Variants in SCN7A observed in about 807,000 individuals in gnomAD.
SCN7A encodes the protein sodium channel protein type 7 subunit alpha.
In SCN7A, 138 loss-of-function variants were observed where a neutral mutation model predicts 155.2. The observed-to-expected ratio is 0.89, with a 90% CI of 0.77 to 1.02. The LOEUF (loss-of-function observed/expected upper bound fraction) is 1.02. SCN7A is among the 50% of genes least tolerant of loss of function. The probability of loss-of-function intolerance (pLI) is 0.00; values close to 1 mark genes in which losing one functional copy is unlikely to be tolerated. For missense variants in SCN7A, 2,058 were observed against 1,986.6 expected, an observed-to-expected ratio of 1.04 and a Z score of -0.68; for synonymous variants, 693 against 649.0, an observed-to-expected ratio of 1.07 and a Z score of -1.03.
At chr2:166,414,210 G>C (rs1463377863) in intron 21 of SCN7A, among the ~76,000 whole-genome samples, 1 of 78,962 alleles carries the variant, frequency 1.3e-5, no homozygotes, top group Non-Finnish European at 2.3e-5. Context: ...TTATATATAT[G>C]TAAATATATA....
chr2:166,439,030 C>CAT (rs1186286811), intron 15 of SCN7A, among the ~76,000 whole-genome samples: 1 of 120,068 alleles, frequency 8.3e-6, no homozygotes, highest in African/African-American at 3.4e-5. Context: ...TACATACACA[C>CAT]ACATACATAT....
intron 6 of SCN7A, among the ~76,000 whole-genome samples, chr2:166,470,980 GT>G (rs566644376): frequency 7.2e-5 from 11 of 151,762 alleles, no homozygotes; most frequent in Non-Finnish European, 1.6e-4. Flanking sequence ...TCTATACTAT[GT>G]TCATAAATCT....
At chr2:166,471,129 AGAGGAT>A (rs548741109) in intron 6 of SCN7A, among the ~76,000 whole-genome samples, 35 of 151,976 alleles carry the variant, frequency 2.3e-4, no homozygotes, top group Admixed American at 1.3e-3. Context: ...AAAGATGAAG[AGAGGAT>A]GAGGATGAGG....
chr2:166,438,917 C>G (rs71428926), intron 15 of SCN7A, among the ~76,000 whole-genome samples: 9 of 149,208 alleles, frequency 6.0e-5, no homozygotes, highest in African/African-American at 2.2e-4. Context: ...GTAGAAACAA[C>G]AAAAAATAGA....
chr2:166,430,383 A>G (rs996635319), intron 16 of SCN7A, among the ~76,000 whole-genome samples: 2 of 152,000 alleles, frequency 1.3e-5, no homozygotes, highest in African/African-American at 4.8e-5. Flanking sequence ...TTACTTTTAT[A>G]TATTCTTTAT....
chr2:166,424,770 C>T (rs1407212035), intron 18 of SCN7A, among the ~76,000 whole-genome samples: 1 of 152,044 alleles, frequency 6.6e-6, no homozygotes, highest in African/African-American at 2.4e-5. Flanking sequence ...ATCACTAAGG[C>T]TCCCATCGTA....
intron 12 of SCN7A, among the ~76,000 whole-genome samples, chr2:166,445,464 G>C (rs560724787): frequency 6.6e-6 from 1 of 152,312 alleles, no homozygotes; most frequent in South Asian, 2.1e-4. Context: ...TGCATGCAAA[G>C]GGAGATTTGA....
rs1442499512 is a variant in SCN7A at position 166,405,473 on chromosome 2, CG to C, written c.*106del. ...TTGTGAATACAAGCTTAATTACCAT[CG>C]GTTGTAAAGAACTGATTATTATCTC... On this transcript the variant is annotated 3_prime_UTR_variant, in exon 26 of 26. Transcript: ENST00000643258. 3 of 810,722 alleles carry C rather than the reference CG, an allele frequency of 3.7e-6. No homozygotes were observed. Among genetic ancestry groups the C allele is most frequent in the Non-Finnish European group, 5.8e-6 (3 of 520,326 alleles). The allele number at this position is 810,722 out of a possible 1,614,324, so 50.2% of individuals were successfully genotyped here.
rs1559088311 is a variant in SCN7A, at chr2:166,414,152, T to TATTATATATAA, written c.3415-1032_3415-1031insTTATATATAAT. Among the ~76,000 whole-genome samples the TATTATATATAA allele has an allele frequency of 1.1e-3, 58 of 55,090 alleles. 4 individuals are homozygous for TATTATATATAA. Among genetic ancestry groups the TATTATATATAA allele is most frequent in the African/African-American group, 6.9e-3 (57 of 8,202 alleles). The allele number at this position is 55,090 out of a possible 152,430, so 36.1% of individuals were successfully genotyped here. On this transcript the variant is annotated intron_variant, in intron 21 of 25. Transcript: ENST00000643258. ...TTATATATATGTAAATATATATAAA[T>TATTATATATAA]ATATATAATATATTATATATATGTA...
At position 166,428,521 on chromosome 2, in the gene SCN7A, G is replaced by C. The variant is rs182954918; in HGVS notation, c.2699-579C>G. ...TTGTGGGTAGAGTACATGTGTACGG[G>C]GCTGCACTCTGCGCTCTGGCCAAAA... On this transcript the variant is annotated intron_variant, in intron 17 of 25. Transcript: ENST00000643258. Among the ~76,000 whole-genome samples, 305 of 152,064 alleles carry C rather than the reference G, an allele frequency of 2.0e-3. 2 individuals are homozygous for C. The highest frequency in any genetic ancestry group is 7.1e-3 in the African/African-American group (294 of 41,490).
chr2:166,428,093 G>T (rs976034938), intron 17 of SCN7A, among the ~76,000 whole-genome samples, 151 bp from the exon 18 acceptor site: 2 of 151,992 alleles, frequency 1.3e-5, no homozygotes, highest in African/African-American at 4.8e-5. Flanking sequence ...TTTTACCCAT[G>T]GTGTAGTGAC....
rs78918599 is a variant in SCN7A, at chr2:166,409,478, G to T, written c.3982+187C>A. 5.1e-3 allele frequency among the ~76,000 whole-genome samples: 775 copies of T among 151,732 alleles called. 41 individuals are homozygous for T. The East Asian group carries it at 0.11, about 22-fold the overall frequency. On this transcript the variant is annotated intron_variant, in intron 25 of 25. Transcript: ENST00000643258. ...CATCTTATCTCTATTAGGCATGGGT[G>T]GTACACATATGAATACAAATGTGAA...
At chr2:166,446,188 C>T (rs1339168922) in intron 12 of SCN7A, among the ~76,000 whole-genome samples, 1 of 149,708 alleles carries the variant, frequency 6.7e-6, no homozygotes, top group Admixed American at 6.6e-5. Context: ...GAAGAAAAAA[C>T]CCCATCAAAA....
At chr2:166,436,663 G>C (rs2390415) in intron 15 of SCN7A, among the ~76,000 whole-genome samples, 41,681 of 152,102 alleles carry the variant, frequency 0.27, 6,369 homozygotes, top group Non-Finnish European at 0.34. Context: ...GCAAGATGTG[G>C]GAAGTTTGGA....
intron 11 of SCN7A, among the ~76,000 whole-genome samples, chr2:166,453,851 A>C (rs1285285754): frequency 6.6e-6 from 1 of 152,096 alleles, no homozygotes; most frequent in East Asian, 1.9e-4. Flanking sequence ...AGTTTGTTCC[A>C]TTTTACATTA....
intron 16 of SCN7A, among the ~76,000 whole-genome samples, chr2:166,429,631 T>A (rs924094887): frequency 6.6e-6 from 1 of 152,122 alleles, no homozygotes; most frequent in Admixed American, 6.6e-5. Context: ...CCATATATGC[T>A]ATTTCAATTA....
chr2:166,409,956 T>C, intron 24 of SCN7A, 21 bp from the exon 25 acceptor site: 1 of 1,528,198 alleles, frequency 6.5e-7, no homozygotes. Context: ...AATCAACAGG[T>C]GTAATAGTCT....
chr2:166,405,182 AT>A lies in SCN7A; in HGVS notation c.*397del, dbSNP rs1701039141. 6.3e-6 allele frequency: 1 copy of A among 158,634 alleles called. No individual in the cohort carries two copies. Among genetic ancestry groups the A allele is most frequent in the Non-Finnish European group, 1.4e-5 (1 of 72,920 alleles). 9.8% of individuals were successfully genotyped at this position (158,634 alleles called of 1,614,324 possible). A position where few individuals can be genotyped will look rare whatever the true frequency, so the allele number is the denominator to read the frequency against. ...TTTCACCATCCCACATCAGGAAAGT[AT>A]TTGCTTATTTGTAAGTCTTAATAGT... is the stretch of plus-strand genomic sequence containing the variant. On this transcript the variant is annotated 3_prime_UTR_variant, in exon 26 of 26. Transcript: ENST00000643258.
In SCN7A at chr2:166,477,550, CT is replaced by C. The variant is rs1702826655; in HGVS notation, c.146del (p.Lys49SerfsTer33). On this transcript the variant is annotated frameshift_variant, in exon 3 of 26. Transcript: ENST00000643258. LOFTEE classifies it high-confidence loss of function. ...KPTPDLEVGKKLPFIYGNLSQ... is the reference protein window; with the variant it reads ...KPTPDLEVGKXLPFIYGNLSQ... Reference sequence around the variant, plus strand: ...AAAGGTTTCCATAAATAAATGGAAGCTTTTTGCCAACTTCCAAATCAGGAGT... The same window carrying C: ...AAAGGTTTCCATAAATAAATGGAAGCTTTTGCCAACTTCCAAATCAGGAGT... The C allele has an allele frequency of 6.4e-7, 1 of 1,567,842 alleles. No individual in the cohort carries two copies. Among genetic ancestry groups the C allele is most frequent in the Non-Finnish European group, 8.7e-7 (1 of 1,154,242 alleles).
Sources: gnomAD v4.1 joint callset for allele counts (sites outside exome capture counted in the v4.1 genomes callset) on GRCh38, gnomAD v4.1.1 for gene constraint, MANE v1.5 for transcripts, NCBI Gene and HGNC (gene_info 2026-07-23, HGNC 2026-07-21) for gene names.